The following BUB1B variants were observed in gnomAD, a reference collection of about 807,000 sequenced individuals.
BUB1B encodes mitotic checkpoint serine/threonine-protein kinase BUB1 beta.
In BUB1B, 86 loss-of-function variants were observed where a neutral mutation model predicts 137.7. The ratio of observed to expected loss-of-function variants is 0.62; its 90% CI spans 0.52 to 0.75. The LOEUF (loss-of-function observed/expected upper bound fraction) is 0.75, where lower values mean the gene tolerates loss of function less well. Ranked by LOEUF, BUB1B falls within the 30% of genes least tolerant of loss-of-function variation. The probability of loss-of-function intolerance (pLI) is 0.00; values close to 1 mark genes in which losing one functional copy is unlikely to be tolerated. For synonymous variants in BUB1B, 420 were observed against 417.9 expected (o/e 1.00, Z -0.06); for missense variants, 1,130 against 1,236.9 (o/e 0.91, Z 1.30).
At chr15:40,203,630 A>G (rs1356261047) in intron 14 of BUB1B, among the ~76,000 whole-genome samples, 1 of 152,194 alleles carries the variant, frequency 6.6e-6, no homozygotes, top group African/African-American at 2.4e-5. Context: ...AGCAAAAGAC[A>G]TTTGTTCTTT....
intron 3 of BUB1B, 23 bp from the exon 4 acceptor site, chr15:40,170,511 GTTC>G: frequency 6.2e-7 from 1 of 1,612,202 alleles, no homozygotes; most frequent in Non-Finnish European, 8.5e-7. Flanking sequence ...TTTAAAATGT[GTTC>G]TTATCTTTTT....
Position 40,220,547 on chromosome 15 carries a change from G to GT in BUB1B, c.2958-13dup, listed in dbSNP as rs1170160550. ...CATATGCCTAATCTTGATGGAAATGGTTTTATATATTTTTAGGCTAAAAGA... is the reference window on the plus strand; with the variant it reads ...CATATGCCTAATCTTGATGGAAATGGTTTTTATATATTTTTAGGCTAAAAGA... On this transcript the variant is annotated splice_polypyrimidine_tract_variant and intron_variant, in intron 22 of 22. Transcript: ENST00000287598. 8.7e-6 allele frequency: 14 copies of GT among 1,612,980 alleles called. No individual in the cohort carries two copies. The highest frequency in any genetic ancestry group is 1.1e-5 in the Non-Finnish European group (13 of 1,179,154).
rs1211504809 is a variant in BUB1B, at chr15:40,212,142, C to T, written c.2386-357C>T. On this transcript the variant is annotated intron_variant, in intron 18 of 22. Coordinates refer to ENST00000287598, the MANE Select transcript of BUB1B (RefSeq NM_001211.6). ...GAGCCACTGCACTAGGCCTACCTTC[C>T]TCTTAAATGGGATTCAATCACTCCT... 2.0e-5 allele frequency among the ~76,000 whole-genome samples: 3 copies of T among 152,220 alleles called. No individual in the cohort carries two copies. The East Asian group carries it at 5.8e-4, about 29-fold the overall frequency.
At chr15:40,217,324 G>T in intron 20 of BUB1B, 172 bp from the exon 21 acceptor site, 2 of 666,086 alleles carry the variant, frequency 3.0e-6, no homozygotes, top group South Asian at 3.5e-5. Context: ...TTCCGCATTG[G>T]GTGGACACTG....
intron 8 of BUB1B, among the ~76,000 whole-genome samples, chr15:40,192,092 C>T (rs1216504176): frequency 6.6e-6 from 1 of 152,204 alleles, no homozygotes; most frequent in Non-Finnish European, 1.5e-5. Context: ...ATATTGACAT[C>T]TTAAAAATAT....
intron 8 of BUB1B, among the ~76,000 whole-genome samples, chr15:40,188,373 A>G (rs2037394572): frequency 6.6e-6 from 1 of 151,732 alleles, no homozygotes; most frequent in Non-Finnish European, 1.5e-5. Context: ...ATTCTTTTCC[A>G]TGGATGTTTT....
At chr15:40,212,402 A>G (rs2140907619) in intron 18 of BUB1B, 97 bp from the exon 19 acceptor site, 1 of 918,454 alleles carries the variant, frequency 1.1e-6, no homozygotes, top group South Asian at 1.4e-5. Context: ...TCTCTTTATT[A>G]TTTCTCTATC....
intron 4 of BUB1B, among the ~76,000 whole-genome samples, chr15:40,176,027 CAGCCTCA>C (rs1373792149): frequency 6.6e-6 from 1 of 152,140 alleles, no homozygotes; most frequent in Non-Finnish European, 1.5e-5. Flanking sequence ...TAGTTCACTG[CAGCCTCA>C]AACTCTTGGG....
At chr15:40,165,851 A>G (rs2037089433) in intron 2 of BUB1B, among the ~76,000 whole-genome samples, 1 of 144,874 alleles carries the variant, frequency 6.9e-6, no homozygotes, top group South Asian at 2.2e-4. Context: ...ATCTCTTTGG[A>G]TTTTTTTTTT....
chr15:40,210,029 A>G (rs2037691269), intron 17 of BUB1B, 81 bp from the exon 18 acceptor site: 1 of 1,184,868 alleles, frequency 8.4e-7, no homozygotes, highest in Non-Finnish European at 1.3e-6. Context: ...CAGTGCCTCT[A>G]TCCCTTAAAC....
chr15:40,163,301 C>T (rs940894560), intron 1 of BUB1B, among the ~76,000 whole-genome samples: 4 of 152,256 alleles, frequency 2.6e-5, no homozygotes, highest in South Asian at 2.1e-4. Flanking sequence ...AGGCTGGGAG[C>T]GGTGGCTCAC....
At chr15:40,183,046 C>T (rs1274679676) in intron 5 of BUB1B, among the ~76,000 whole-genome samples, 6 of 152,028 alleles carry the variant, frequency 3.9e-5, no homozygotes, top group Admixed American at 3.3e-4. Flanking sequence ...TTGGCCAACA[C>T]CTGCAATTTA....
chr15:40,220,648 G>C lies in BUB1B; in HGVS notation c.3042G>C (p.Glu1014Asp). Residue 1014 changes from glutamate (E) to aspartate (D), a missense_variant, in exon 23 of 23, where the codon GAG (glutamate) becomes GAC (aspartate). Physicochemically the swap from Glu to Asp is conservative, Grantham distance 45. Coordinates refer to ENST00000287598, the MANE Select transcript of BUB1B (RefSeq NM_001211.6). ...AGGCCACAGTGTCTGTTCTTGGGGA[G>C]CTTGCAGCAGAAATGAATGGGGTTT... Reference protein sequence around the residue: ...NDEATVSVLGELAAEMNGVFD... With the variant: ...NDEATVSVLGDLAAEMNGVFD... 1 of 1,614,222 alleles carries C rather than the reference G, an allele frequency of 6.2e-7. No individual in the cohort carries two copies.
At chr15:40,204,267 T>G (rs2037609936) in intron 14 of BUB1B, among the ~76,000 whole-genome samples, 1 of 152,172 alleles carries the variant, frequency 6.6e-6, no homozygotes, top group Admixed American at 6.6e-5. Flanking sequence ...TCTGCTACAG[T>G]TAGTCTACTG....
chr15:40,208,595 A>G (rs1236148578), intron 15 of BUB1B, 42 bp from the exon 16 acceptor site: 3 of 1,543,210 alleles, frequency 1.9e-6, no homozygotes, highest in East Asian at 2.4e-5. Context: ...AAGTTGATAT[A>G]TATTATTCCT....
chr15:40,205,015 C>T (rs1426673805), intron 14 of BUB1B, among the ~76,000 whole-genome samples: 2 of 146,588 alleles, frequency 1.4e-5, no homozygotes, highest in African/African-American at 2.5e-5. Context: ...GGCGTGATCT[C>T]GGCTCACTGC....
At chr15:40,185,486 T>G in intron 7 of BUB1B, 65 bp from the exon 8 acceptor site, 2 of 1,584,398 alleles carry the variant, frequency 1.3e-6, no homozygotes, top group Non-Finnish European at 1.7e-6. Context: ...TATTTAGCCA[T>G]GGTCTATATA....
chr15:40,184,670 G>A (rs62020031), intron 6 of BUB1B, among the ~76,000 whole-genome samples: 20,284 of 151,914 alleles, frequency 0.13, 1,483 homozygotes, highest in Non-Finnish European at 0.15. Context: ...TAGGATATAG[G>A]GAGTGTATGG....
intron 5 of BUB1B, among the ~76,000 whole-genome samples, chr15:40,181,280 G>T (rs2037289775): frequency 6.6e-6 from 1 of 151,752 alleles, no homozygotes. Context: ...TAGTAGAGAT[G>T]GGGTTTCTCC....
Sources: gnomAD v4.1 joint callset for allele counts (sites outside exome capture counted in the v4.1 genomes callset) on GRCh38, gnomAD v4.1.1 for gene constraint, MANE v1.5 for transcripts, NCBI Gene and HGNC (gene_info 2026-07-23, HGNC 2026-07-21) for gene names.